The following NTRK3 variants were observed in gnomAD, a reference collection of about 807,000 sequenced individuals.
The protein encoded by NTRK3 is neurotrophic receptor tyrosine kinase 3.
A neutral mutation model predicts 91.7 loss-of-function variants in NTRK3; 24 were observed. The observed-to-expected ratio is 0.26, with a 90% CI of 0.19 to 0.37. The LOEUF is 0.37. NTRK3 is among the 10% of genes least tolerant of loss of function. The pLI, the probability that NTRK3 is intolerant of heterozygous loss-of-function variation, is 1.00. For synonymous variants in NTRK3, 483 were observed against 404.0 expected, an observed-to-expected ratio of 1.20 and a Z score of -2.34; for missense variants, 880 against 1,068.9, an observed-to-expected ratio of 0.82 and a Z score of 2.46.
chr15:88,069,142 C>T (rs2046899899), intron 13 of NTRK3, among the ~76,000 whole-genome samples: 1 of 152,158 alleles, frequency 6.6e-6, no homozygotes, highest in Non-Finnish European at 1.5e-5. Flanking sequence ...GTCCCACTCT[C>T]AAGTCCTACA....
chr15:88,122,258 G>A (rs1245797152), intron 13 of NTRK3, among the ~76,000 whole-genome samples: 1 of 152,194 alleles, frequency 6.6e-6, no homozygotes. Flanking sequence ...ATAGGTAGAA[G>A]TATGAAAATG....
chr15:87,917,434 T>C (rs1436446751), intron 17 of NTRK3, among the ~76,000 whole-genome samples: 1 of 152,204 alleles, frequency 6.6e-6, no homozygotes, highest in Admixed American at 6.5e-5. Context: ...CATTTAAGGC[T>C]CCTTCCAGCT....
intron 3 of NTRK3, among the ~76,000 whole-genome samples, chr15:88,188,048 G>T (rs990684476): frequency 4.6e-5 from 7 of 152,182 alleles, no homozygotes; most frequent in Non-Finnish European, 1.0e-4. Context: ...GGCTGGACCA[G>T]CTCATCCCTG....
rs371781916 is a variant in NTRK3, at chr15:87,974,886, A to AG, written c.1586-34134dup. ...TGTCTTAGGAGTGGAGTGGGGTTGG[A>AG]GGGGGGAGCACCTAGGTGGTGTTTC... On this transcript the variant is annotated intron_variant, in intron 14 of 18. Coordinates refer to ENST00000394480, the Ensembl canonical transcript of NTRK3. 9.7e-4 allele frequency among the ~76,000 whole-genome samples: 147 copies of AG among 152,116 alleles called. 1 individual carries two copies. Among genetic ancestry groups the AG allele is most frequent in the Admixed American group, 3.3e-3 (50 of 15,260 alleles).
At chr15:87,889,445 C>T (rs2065736293) in intron 17 of NTRK3, among the ~76,000 whole-genome samples, 1 of 127,770 alleles carries the variant, frequency 7.8e-6, no homozygotes, top group South Asian at 2.4e-4. Flanking sequence ...ACTCTTGTTG[C>T]CCAGGCTGGA....
At chr15:88,137,489 C>T in exon 7 of NTRK3, 1 of 1,614,196 alleles carries the variant, frequency 6.2e-7, no homozygotes, top group Non-Finnish European at 8.5e-7. Flanking sequence ...TGAGCTTGGC[C>T]TCCCCCTGCT....
intron 14 of NTRK3, among the ~76,000 whole-genome samples, chr15:88,016,109 T>C (rs1464015289): frequency 6.6e-6 from 1 of 152,190 alleles, no homozygotes; most frequent in Non-Finnish European, 1.5e-5. Flanking sequence ...CATTCATCAC[T>C]TGGGGTGGCA....
At chr15:88,076,829 A>C (rs2047590976) in intron 13 of NTRK3, among the ~76,000 whole-genome samples, 1 of 152,154 alleles carries the variant, frequency 6.6e-6, no homozygotes, top group Non-Finnish European at 1.5e-5. Flanking sequence ...GCAGTGGCTC[A>C]TGCCTGCAAT....
At chr15:87,924,974 A>G (rs1038368651) in intron 17 of NTRK3, among the ~76,000 whole-genome samples, 1 of 152,148 alleles carries the variant, frequency 6.6e-6, no homozygotes, top group African/African-American at 2.4e-5. Context: ...AAACATCTGT[A>G]TTCTGAAATC....
chr15:87,922,276 G>T (rs1403395290), intron 17 of NTRK3, among the ~76,000 whole-genome samples: 1 of 152,172 alleles, frequency 6.6e-6, no homozygotes, highest in Non-Finnish European at 1.5e-5. Context: ...AGACTTAGAG[G>T]AGCCTCAGGC....
chr15:88,170,244 G>A (rs1165678532), intron 5 of NTRK3, among the ~76,000 whole-genome samples: 1 of 152,192 alleles, frequency 6.6e-6, no homozygotes, highest in Admixed American at 6.5e-5. Context: ...AGGGCAGGGG[G>A]AATGCTTGTT....
chr15:88,037,933 A>T (rs2079214468), intron 13 of NTRK3, among the ~76,000 whole-genome samples: 1 of 152,228 alleles, frequency 6.6e-6, no homozygotes, highest in South Asian at 2.1e-4. Flanking sequence ...TGCCTAGCAA[A>T]GAAGTGGTGA....
At chr15:87,866,356 G>C (rs941861039) in exon 19 of NTRK3, 28 of 180,282 alleles carry the variant, frequency 1.6e-4, no homozygotes, top group Non-Finnish European at 5.9e-5. Context: ...GAATATATTA[G>C]AAGGAATCAA....
At chr15:87,885,920 C>A (rs1261445970) in intron 17 of NTRK3, among the ~76,000 whole-genome samples, 185 bp from the exon 18 acceptor site, 3 of 151,780 alleles carry the variant, frequency 2.0e-5, no homozygotes, top group Non-Finnish European at 4.4e-5. Context: ...ATAAGCATAG[C>A]TAAAAGACAA....
chr15:88,236,783 A>AAAAAAAAAC (rs1567697112), intron 3 of NTRK3, among the ~76,000 whole-genome samples: 1 of 142,762 alleles, frequency 7.0e-6, no homozygotes. Context: ...AAAAAAAAAA[A>AAAAAAAAAC]AAAAAACACT....
At chr15:87,922,761 T>C (rs1270315606) in intron 17 of NTRK3, among the ~76,000 whole-genome samples, 1 of 152,192 alleles carries the variant, frequency 6.6e-6, no homozygotes, top group East Asian at 1.9e-4. Context: ...TTTACTACCA[T>C]GGATTTGGAA....
intron 13 of NTRK3, among the ~76,000 whole-genome samples, chr15:88,050,527 G>A (rs868842229): frequency 6.7e-6 from 1 of 148,236 alleles, no homozygotes; most frequent in African/African-American, 2.5e-5. Context: ...ATGTGTGTGT[G>A]TGTTTGTATA....
intron 14 of NTRK3, among the ~76,000 whole-genome samples, chr15:87,969,764 A>C (rs1452712559): frequency 6.6e-6 from 1 of 152,144 alleles, no homozygotes; most frequent in Non-Finnish European, 1.5e-5. Flanking sequence ...TTGACATTTC[A>C]GACTATTTGT....
chr15:88,229,671 G>A (rs2051000752), intron 3 of NTRK3, among the ~76,000 whole-genome samples: 2 of 152,214 alleles, frequency 1.3e-5, no homozygotes. Context: ...CTGAGGTCCT[G>A]CCCTGGTCAC....
Sources: allele counts gnomAD v4.1 joint callset (sites outside exome capture counted in the v4.1 genomes callset), GRCh38; gene constraint gnomAD v4.1.1; transcripts MANE v1.5; gene names NCBI Gene and HGNC (gene_info 2026-07-23, HGNC 2026-07-21).